AKAP1: variants seen among roughly 807,000 people sequenced by gnomAD.
AKAP1 encodes the protein A-kinase anchoring protein 1, also known as A-kinase anchor protein 1, mitochondrial.
Under a neutral mutation model 79.8 loss-of-function variants are expected in AKAP1, and 32 were observed. The ratio of observed to expected loss-of-function variants is 0.40; its 90% CI spans 0.30 to 0.54. AKAP1 has a LOEUF of 0.54. Among genes scored for constraint, AKAP1 ranks in the 20% least tolerant of loss-of-function variants. The pLI, the probability that AKAP1 is intolerant of heterozygous loss-of-function variation, is 0.47. For synonymous variants in AKAP1, 416 were observed against 466.7 expected, an observed-to-expected ratio of 0.89 and a Z score of 1.40; for missense variants, 961 against 1,138.9, an observed-to-expected ratio of 0.84 and a Z score of 2.25.
intron 6 of AKAP1, among the ~76,000 whole-genome samples, chr17:57,115,230 A>G (rs147840901): frequency 2.0e-5 from 3 of 152,316 alleles, no homozygotes; most frequent in East Asian, 1.9e-4. Flanking sequence ...AACATCACCC[A>G]TTCCTCACCA....
intron 1 of AKAP1, among the ~76,000 whole-genome samples, chr17:57,087,758 G>A (rs1293767965): frequency 6.6e-6 from 1 of 152,156 alleles, no homozygotes; most frequent in Non-Finnish European, 1.5e-5. Context: ...GAGGAAAAAC[G>A]AATTGGTTTC....
At chr17:57,095,484 T>TTTTTTTC (rs1567898353) in intron 1 of AKAP1, 1 of 125,768 alleles carries the variant, frequency 8.0e-6, no homozygotes. Flanking sequence ...TTTTTTTTTT[T>TTTTTTTC]TCTTCTGCCC....
At chr17:57,091,042 G>A (rs72843424) in intron 1 of AKAP1, among the ~76,000 whole-genome samples, 11,992 of 152,282 alleles carry the variant, frequency 0.079, 637 homozygotes, top group Non-Finnish European at 0.11. Context: ...GGGCCTGGAT[G>A]TGCCTTTGTG....
chr17:57,085,782 C>G (rs369853381), intron 1 of AKAP1: 1 of 152,352 alleles, frequency 6.6e-6, no homozygotes, highest in Non-Finnish European at 1.5e-5. Context: ...TCAACTTAAC[C>G]GGAGCGTGCA....
chr17:57,104,688 A>C (rs916193752), intron 1 of AKAP1, among the ~76,000 whole-genome samples: 1 of 152,268 alleles, frequency 6.6e-6, no homozygotes, highest in African/African-American at 2.4e-5. Flanking sequence ...AGAGTAGCGC[A>C]TCACCTATTG....
At chr17:57,101,554 C>G (rs1914515894) in intron 1 of AKAP1, 1 of 151,966 alleles carries the variant, frequency 6.6e-6, no homozygotes, top group African/African-American at 2.4e-5. Flanking sequence ...TTAAAAAAAC[C>G]CTGCTGCTGG....
chr17:57,112,474 C>T lies in AKAP1; in HGVS notation c.1976-17C>T, dbSNP rs1915309549. On this transcript the variant is annotated splice_polypyrimidine_tract_variant and intron_variant, in intron 4 of 10. Coordinates refer to ENST00000337714, the MANE Select transcript of AKAP1 (RefSeq NM_003488.4). ...CTCTTACAGTGATTGTATGTCCTGC[C>T]CCCATCCGCTATTTAGGCTCTCAAC... The T allele has an allele frequency of 6.2e-7, 1 of 1,611,234 alleles. No individual in the cohort carries two copies. Among genetic ancestry groups the T allele is most frequent in the Middle Eastern group, 1.7e-4 (1 of 6,044 alleles).
chr17:57,095,396 T>C (rs1259063876), intron 1 of AKAP1: 1 of 151,382 alleles, frequency 6.6e-6, no homozygotes. Context: ...CTTGAGCTCC[T>C]GGCCTCAAGC....
In AKAP1 at chr17:57,105,488, C is replaced by G. The variant is rs200891998; in HGVS notation, c.24C>G (p.Leu8=). 6.2e-7 allele frequency: 1 copy of G among 1,614,040 alleles called. No individual in the cohort carries two copies. The highest frequency in any genetic ancestry group is 8.5e-7 in the Non-Finnish European group (1 of 1,179,964). Residue 8 remains leucine, a synonymous_variant, in exon 2 of 11, where the codon CTC becomes CTG. Coordinates refer to ENST00000337714, the MANE Select transcript of AKAP1 (RefSeq NM_003488.4). MAIQFRS[L]FPLALPGMLA... Reference sequence around the variant, plus strand: ...GGATGGCAATCCAGTTCCGTTCGCTCTTCCCCTTGGCATTGCCTGGGATGC... The same window carrying G: ...GGATGGCAATCCAGTTCCGTTCGCTGTTCCCCTTGGCATTGCCTGGGATGC...
At position 57,112,573 on chromosome 17, in the gene AKAP1, C is replaced by T. The variant is rs749490909; in HGVS notation, c.2058C>T (p.Pro686=). 6.2e-7 allele frequency: 1 copy of T among 1,614,158 alleles called. No homozygotes were observed. Among genetic ancestry groups the T allele is most frequent in the East Asian group, 2.2e-5 (1 of 44,878 alleles). ...TGAACCTCACCAATATCTACGCTCC[C>T]CCATTGCCTTCACTGGCACTGCCTT... ...KELNLTNIYA[P]PLPSLALPSL... Residue 686 remains proline (P), a synonymous_variant, in exon 5 of 11, where the codon CCC becomes CCT. Coordinates refer to ENST00000337714, the MANE Select transcript of AKAP1 (RefSeq NM_003488.4).
chr17:57,116,530 G>T (rs779128393), intron 7 of AKAP1, among the ~76,000 whole-genome samples: 16 of 152,180 alleles, frequency 1.1e-4, no homozygotes, highest in South Asian at 4.1e-4. Context: ...AAATCCCAGC[G>T]CTTTGGGAGG....
chr17:57,112,040 G>A (rs1643642027), intron 4 of AKAP1, 116 bp downstream of exon 4: 1 of 1,374,258 alleles, frequency 7.3e-7, no homozygotes, highest in Non-Finnish European at 9.9e-7. Flanking sequence ...TCTCATCCCA[G>A]GGAAGGGAGC....
intron 1 of AKAP1, among the ~76,000 whole-genome samples, chr17:57,087,105 T>A (rs1232336760): frequency 6.6e-6 from 1 of 152,218 alleles, no homozygotes; most frequent in Non-Finnish European, 1.5e-5. Flanking sequence ...AATATGGCCC[T>A]AGGTTAGAGG....
chr17:57,103,043 C>CA (rs1359466097), intron 1 of AKAP1, among the ~76,000 whole-genome samples: 1 of 152,168 alleles, frequency 6.6e-6, no homozygotes, highest in Admixed American at 6.5e-5. Flanking sequence ...CACACCACTG[C>CA]ACTCCAGCCT....
At chr17:57,114,404 C>T in intron 5 of AKAP1, 55 bp from the exon 6 acceptor site, 1 of 1,588,806 alleles carries the variant, frequency 6.3e-7, no homozygotes, top group Non-Finnish European at 8.6e-7. Flanking sequence ...GGGACTTATT[C>T]AAAGATGAGA....
In AKAP1 at chr17:57,116,890, A is replaced by G. The variant is rs1258703265; in HGVS notation, c.2463A>G (p.Gly821=). 1 of 1,614,096 alleles carries G rather than the reference A, an allele frequency of 6.2e-7. No homozygotes were observed. The highest frequency in any genetic ancestry group is 1.7e-5 in the Admixed American group (1 of 60,028). Residue 821 remains glycine (G), a synonymous_variant, in exon 8 of 11, where the codon GGA becomes GGG. Transcript: ENST00000337714. ...ACTTTGTCACCCTGCCGTTTCAGGG[A>G]GCAGAAGTCCTTCTGGACAGTGTGA... The part of the protein sequence containing the change: ...RSDFVTLPFQ[G]AEVLLDSVMP...
At chr17:57,112,828 G>C (rs528140366) in intron 5 of AKAP1, among the ~76,000 whole-genome samples, 1 of 151,870 alleles carries the variant, frequency 6.6e-6, no homozygotes, top group African/African-American at 2.4e-5. Context: ...GAAACCAGAG[G>C]CCTCTTGGTC....
intron 1 of AKAP1, 74 bp from the exon 2 acceptor site, chr17:57,105,367 T>A (rs1914778402): frequency 1.4e-6 from 2 of 1,417,248 alleles, no homozygotes; most frequent in Admixed American, 3.4e-5. Context: ...TTGACTGTCT[T>A]GCATGTGCGG....
chr17:57,114,614 C>T lies in AKAP1; in HGVS notation c.2259C>T (p.Pro753=), dbSNP rs1915467004. ...TCTGTTACTCTCAGCCTGGAATCCCCACCTTGCCCACCCCAGTGGAAAGTA... is the reference window on the plus strand; with the variant it reads ...TCTGTTACTCTCAGCCTGGAATCCCTACCTTGCCCACCCCAGTGGAAAGTA... ...MYLCYSQPGI[P]TLPTPVEITV... The change falls in exon 6 of 11, where the codon CCC becomes CCT. Residue 753 remains proline, a synonymous_variant. Coordinates refer to ENST00000337714, the MANE Select transcript of AKAP1 (RefSeq NM_003488.4). 1.9e-6 allele frequency: 3 copies of T among 1,613,940 alleles called. No individual in the cohort carries two copies. Among genetic ancestry groups the T allele is most frequent in the Non-Finnish European group, 2.5e-6 (3 of 1,179,988 alleles).
Sources: allele counts gnomAD v4.1 joint callset (sites outside exome capture counted in the v4.1 genomes callset), GRCh38; gene constraint gnomAD v4.1.1; transcripts MANE v1.5; gene names NCBI Gene and HGNC (gene_info 2026-07-23, HGNC 2026-07-21).